The following GLDC variants were observed in gnomAD, a reference collection of about 807,000 sequenced individuals.
GLDC encodes the protein glycine decarboxylase, also known as glycine dehydrogenase (decarboxylating), mitochondrial.
Under a neutral mutation model 121.3 loss-of-function variants are expected in GLDC, and 104 were observed. That is an observed-to-expected ratio of 0.86 (90% CI 0.73 to 1.01). The LOEUF (loss-of-function observed/expected upper bound fraction) is 1.01. Ranked by LOEUF, GLDC falls within the 50% of genes least tolerant of loss-of-function variation. The pLI is 0.00. For synonymous variants in GLDC, 546 were observed against 480.6 expected (o/e 1.14, Z -1.78); for missense variants, 1,429 against 1,306.6 (o/e 1.09, Z -1.44).
At chr9:6,603,467 T>C (rs1032931324) in intron 7 of GLDC, among the ~76,000 whole-genome samples, 3 of 148,116 alleles carry the variant, frequency 2.0e-5, no homozygotes, top group Admixed American at 1.4e-4. Flanking sequence ...AAAAATTAGT[T>C]GGACACAGTG....
chr9:6,610,380 GT>G, intron 3 of GLDC, 24 bp from the exon 4 acceptor site: 1 of 1,612,716 alleles, frequency 6.2e-7, no homozygotes, highest in Non-Finnish European at 8.5e-7. Context: ...AAAAGGTCTT[GT>G]CCAAACTGAC....
chr9:6,627,295 CAAAA>C (rs35067265), intron 2 of GLDC, among the ~76,000 whole-genome samples: 1 of 77,814 alleles, frequency 1.3e-5, no homozygotes, highest in Non-Finnish European at 2.7e-5. Flanking sequence ...GACTCCATCT[CAAAA>C]AAAAAAAAAA....
At chr9:6,639,373 A>G (rs1000548472) in intron 2 of GLDC, 3 of 913,016 alleles carry the variant, frequency 3.3e-6, no homozygotes, top group East Asian at 2.4e-5. Context: ...TGCTATCATC[A>G]AGTTTACGCT....
intron 2 of GLDC, among the ~76,000 whole-genome samples, chr9:6,643,733 T>C (rs1819674595): frequency 6.6e-6 from 1 of 151,986 alleles, no homozygotes; most frequent in Non-Finnish European, 1.5e-5. Context: ...TTGTGTGTTT[T>C]TCTAGAAAAA....
rs748143417 is a variant in GLDC at position 6,604,677 on chromosome 9, T to C, written c.969A>G (p.Pro323=). 4.3e-6 allele frequency: 7 copies of C among 1,613,980 alleles called. No individual in the cohort carries two copies. The highest frequency in any genetic ancestry group is 5.1e-6 in the Non-Finnish European group (6 of 1,179,972). Residue 323 remains proline (P), a synonymous_variant, in exon 7 of 25, where the codon CCA becomes CCG. Coordinates refer to ENST00000321612, the MANE Select transcript of GLDC (RefSeq NM_000170.3). ...ALGSSQRFGV[P]LGYGGPHAAF... Reference sequence around the variant, plus strand: ...CTGCATGGGGTCCCCCATAGCCCAGTGGCACTCCAAATCTCTGGGAGCTGC... The same window carrying C: ...CTGCATGGGGTCCCCCATAGCCCAGCGGCACTCCAAATCTCTGGGAGCTGC...
chr9:6,564,483 C>G (rs1032758979), intron 16 of GLDC, among the ~76,000 whole-genome samples: 1 of 152,186 alleles, frequency 6.6e-6, no homozygotes, highest in South Asian at 2.1e-4. Context: ...GGGCCACTAC[C>G]ACTCCACCCT....
At chr9:6,548,649 C>G (rs1817446173) in intron 21 of GLDC, among the ~76,000 whole-genome samples, 2 of 152,126 alleles carry the variant, frequency 1.3e-5, no homozygotes, top group African/African-American at 4.8e-5. Context: ...ACCAAGATCC[C>G]ATAAGCGCTT....
intron 3 of GLDC, among the ~76,000 whole-genome samples, chr9:6,613,613 TA>T (rs1232710146): frequency 6.6e-6 from 1 of 152,248 alleles, no homozygotes; most frequent in Non-Finnish European, 1.5e-5. Context: ...TTATTTAAGT[TA>T]TAATTTCTTC....
chr9:6,540,342 A>G, intron 21 of GLDC, 196 bp from the exon 22 acceptor site: 4 of 585,152 alleles, frequency 6.8e-6, no homozygotes, highest in Non-Finnish European at 1.2e-5. Context: ...AAAAATGTTT[A>G]GCACACTGTG....
chr9:6,617,478 G>T (rs1390003526), intron 3 of GLDC, among the ~76,000 whole-genome samples: 1 of 152,058 alleles, frequency 6.6e-6, no homozygotes, highest in African/African-American at 2.4e-5. Context: ...TTTCTTAAGG[G>T]GGAAGAGAAA....
At chr9:6,633,622 T>C (rs1441709726) in intron 2 of GLDC, among the ~76,000 whole-genome samples, 1 of 151,830 alleles carries the variant, frequency 6.6e-6, no homozygotes, top group South Asian at 2.1e-4. Flanking sequence ...ACCACGTCTG[T>C]ACAAAAACCA....
At chr9:6,550,004 A>G (rs1817478473) in intron 21 of GLDC, among the ~76,000 whole-genome samples, 1 of 151,824 alleles carries the variant, frequency 6.6e-6, no homozygotes, top group Non-Finnish European at 1.5e-5. Flanking sequence ...CCTCTCCCCT[A>G]TCCCATCCTT....
intron 20 of GLDC, among the ~76,000 whole-genome samples, chr9:6,552,867 C>G (rs1287994179): frequency 2.6e-5 from 4 of 152,052 alleles, no homozygotes; most frequent in African/African-American, 9.7e-5. Context: ...ACCCTAAAGG[C>G]CAAAGAGCTC....
intron 10 of GLDC, among the ~76,000 whole-genome samples, 198 bp from the exon 11 acceptor site, chr9:6,592,421 C>A (rs773095976): frequency 6.6e-6 from 1 of 152,206 alleles, no homozygotes; most frequent in African/African-American, 2.4e-5. Context: ...TCGAGTTTTG[C>A]CAGCCACCTC....
At chr9:6,587,511 A>T (rs947283899) in intron 14 of GLDC, among the ~76,000 whole-genome samples, 3 of 152,198 alleles carry the variant, frequency 2.0e-5, no homozygotes, top group African/African-American at 7.2e-5. Context: ...CTTACACAAA[A>T]ATACAATGTT....
chr9:6,592,781 A>AG (rs1818400895), intron 10 of GLDC, 70 bp downstream of exon 10: 2 of 1,430,900 alleles, frequency 1.4e-6, no homozygotes, highest in East Asian at 4.5e-5. Flanking sequence ...AAAAACAAAG[A>AG]GAAAACCTTT....
chr9:6,620,348 A>G (rs747888473), intron 2 of GLDC, 29 bp from the exon 3 acceptor site: 47 of 1,600,904 alleles, frequency 2.9e-5, no homozygotes, highest in Non-Finnish European at 3.9e-5. Context: ...GAAATGTTAC[A>G]GACAGATGTC....
intron 16 of GLDC, among the ~76,000 whole-genome samples, chr9:6,561,796 G>A (rs746923946): frequency 6.6e-6 from 1 of 152,168 alleles, no homozygotes; most frequent in African/African-American, 2.4e-5. Flanking sequence ...AGGGTGCCGC[G>A]TGGCATAGAA....
chr9:6,582,794 A>G (rs1376129138), intron 15 of GLDC, among the ~76,000 whole-genome samples: 1 of 150,904 alleles, frequency 6.6e-6, no homozygotes, highest in Non-Finnish European at 1.5e-5. Flanking sequence ...GCGCCACTGC[A>G]CTCCAGTCTG....
Sources: allele counts gnomAD v4.1 joint callset (sites outside exome capture counted in the v4.1 genomes callset), GRCh38; gene constraint gnomAD v4.1.1; transcripts MANE v1.5; gene names NCBI Gene and HGNC (gene_info 2026-07-23, HGNC 2026-07-21).